Variants in SLC9A1 observed in about 807,000 individuals in gnomAD.
SLC9A1 encodes solute carrier family 9 member A1, also known as sodium/hydrogen exchanger 1.
In SLC9A1, 22 loss-of-function variants were observed where a neutral mutation model predicts 67.9. The ratio of observed to expected loss-of-function variants is 0.32; its 90% CI spans 0.23 to 0.46. The LOEUF (loss-of-function observed/expected upper bound fraction) is 0.46. SLC9A1 is among the 20% of genes least tolerant of loss of function. SLC9A1 has a pLI of 1.00. For missense variants in SLC9A1, 686 were observed against 1,094.8 expected (o/e 0.63, Z 5.27); for synonymous variants, 421 against 471.8 (o/e 0.89, Z 1.40).
chr1:27,117,965 A>C (rs1015223658), intron 1 of SLC9A1, among the ~76,000 whole-genome samples: 2 of 152,132 alleles, frequency 1.3e-5, no homozygotes, highest in Non-Finnish European at 2.9e-5. Context: ...CAGCCCTTGG[A>C]GCTTCTATGA....
intron 4 of SLC9A1, among the ~76,000 whole-genome samples, chr1:27,107,393 C>T (rs1176109985): frequency 1.3e-5 from 2 of 149,384 alleles, no homozygotes; most frequent in Admixed American, 6.7e-5. Flanking sequence ...CCTCCACACA[C>T]TACACACACA....
chr1:27,120,048 G>T (rs1404888488), intron 1 of SLC9A1, among the ~76,000 whole-genome samples: 1 of 152,002 alleles, frequency 6.6e-6, no homozygotes, highest in Non-Finnish European at 1.5e-5. Flanking sequence ...CTCCAGCCTG[G>T]TGACAGAGCA....
rs117896555 is a variant in SLC9A1 at position 27,137,470 on chromosome 1, C to T, written c.352+16513G>A. 2.6e-3 allele frequency among the ~76,000 whole-genome samples: 403 copies of T among 152,320 alleles called. 16 individuals are homozygous for T. The East Asian group carries it at 0.055, about 21-fold the overall frequency. ...ACTGCTAGGTGCTCGCCTCAGCATT[C>T]TCATTTAACCTCCACACCTTTGCAC... On this transcript the variant is annotated intron_variant, in intron 1 of 11. Coordinates refer to ENST00000263980, the MANE Select transcript of SLC9A1 (RefSeq NM_003047.5). This position sits in a 1 kb window ranked among gnomAD's most constrained non-coding sequence, Gnocchi z 4.6.
intron 1 of SLC9A1, among the ~76,000 whole-genome samples, chr1:27,150,468 A>G (rs2083519134): frequency 6.6e-6 from 1 of 152,200 alleles, no homozygotes; most frequent in South Asian, 2.1e-4. Flanking sequence ...CTCTGGAATA[A>G]GTACTAGCCT....
At position 27,102,427 on chromosome 1, in the gene SLC9A1, C is replaced by A. The variant is rs2083153637; in HGVS notation, c.1778G>T (p.Gly593Val). 1.9e-6 allele frequency: 3 copies of A among 1,606,936 alleles called. No individual in the cohort carries two copies. Among genetic ancestry groups the A allele is most frequent in the Non-Finnish European group, 2.6e-6 (3 of 1,174,850 alleles). The change falls in exon 8 of 12, where the codon GGC (glycine) becomes GTC (valine). Residue 593 changes from glycine to valine, a missense_variant. Around this residue, in one of 7 missense-constraint regions of SLC9A1, gnomAD observed 168 missense variants for 375.4 expected, o/e 0.45. Transcript: ENST00000263980. ...KQAIELVESG[G>V]MGKIPSAVST... ...GACGGCAGAGGGGATCTTGCCCATG[C>A]CCCCGCTCTCCACCAGCTCGATGGC...
chr1:27,143,230 A>G (rs970537468), intron 1 of SLC9A1, among the ~76,000 whole-genome samples: 2 of 151,832 alleles, frequency 1.3e-5, no homozygotes, highest in African/African-American at 4.8e-5. Context: ...TCTCACCTAC[A>G]CCAGAATCCC....
chr1:27,142,041 C>T (rs1004584123), intron 1 of SLC9A1, among the ~76,000 whole-genome samples: 1 of 152,124 alleles, frequency 6.6e-6, no homozygotes, highest in Non-Finnish European at 1.5e-5. Flanking sequence ...CCTGTAAGGA[C>T]CAGTGTAAGG....
chr1:27,103,154 G>A, intron 6 of SLC9A1, 69 bp downstream of exon 6: 11 of 1,168,772 alleles, frequency 9.4e-6, no homozygotes, highest in Non-Finnish European at 1.4e-5. Flanking sequence ...GCAGAGACTT[G>A]AGGCCCAGCT....
intron 1 of SLC9A1, among the ~76,000 whole-genome samples, chr1:27,123,443 A>C (rs748007358): frequency 1.3e-5 from 2 of 152,076 alleles, no homozygotes; most frequent in Non-Finnish European, 2.9e-5. Context: ...GAGGCATCTC[A>C]TTTAATTCTC....
At chr1:27,119,758 C>T (rs748573314) in intron 1 of SLC9A1, among the ~76,000 whole-genome samples, 1 of 152,182 alleles carries the variant, frequency 6.6e-6, no homozygotes, top group East Asian at 1.9e-4. Context: ...GTGTTCTTGG[C>T]CACTCACTGT....
rs547194296 is a variant in SLC9A1 at position 27,118,140 on chromosome 1, G to C, written c.353-3854C>G. ...GCCAGCTCCAGAGTACCTGGGGCTG[G>C]AGCCATGTTCCTGGAGCTGGTTTCC... On this transcript the variant is annotated intron_variant, in intron 1 of 11. Transcript: ENST00000263980. The surrounding 1 kb of genome is among the most constrained non-coding windows in gnomAD (Gnocchi z 4.3). Among the ~76,000 whole-genome samples, 1 of 152,320 alleles carries C rather than the reference G, an allele frequency of 6.6e-6. No homozygotes were observed. Among genetic ancestry groups the C allele is most frequent in the Admixed American group, 6.5e-5 (1 of 15,304 alleles).
intron 1 of SLC9A1, among the ~76,000 whole-genome samples, chr1:27,124,014 C>T (rs573189523): frequency 1.3e-3 from 200 of 152,224 alleles, no homozygotes; most frequent in Admixed American, 2.9e-3. Context: ...GCCACCATCT[C>T]CCTCCTTTCC....
At chr1:27,102,631 T>C in intron 7 of SLC9A1, 42 bp downstream of exon 7, 1 of 1,611,756 alleles carries the variant, frequency 6.2e-7, no homozygotes, top group Non-Finnish European at 8.5e-7. Flanking sequence ...CAGGAGACCC[T>C]TGCCTGCCCC....
chr1:27,152,469 C>A lies in SLC9A1; in HGVS notation c.352+1514G>T, dbSNP rs1244148510. ...TCACTGTCACTTCAGCTTCTTACAGCAAATCAGACGACATTTCATGACTCA... is the reference window on the plus strand; with the variant it reads ...TCACTGTCACTTCAGCTTCTTACAGAAAATCAGACGACATTTCATGACTCA... On this transcript the variant is annotated intron_variant, in intron 1 of 11. Coordinates refer to ENST00000263980, the MANE Select transcript of SLC9A1 (RefSeq NM_003047.5). Among the ~76,000 whole-genome samples, 6 of 152,176 alleles carry A rather than the reference C, an allele frequency of 3.9e-5. No homozygotes were observed. In the East Asian group the frequency reaches 1.2e-3, roughly 29 times the overall value.
chr1:27,149,686 C>T (rs116357612), intron 1 of SLC9A1, among the ~76,000 whole-genome samples: 3 of 152,304 alleles, frequency 2.0e-5, no homozygotes, highest in Non-Finnish European at 2.9e-5. Flanking sequence ...TCAGCCTCTA[C>T]GTTGGTCTTA....
chr1:27,101,577 G>T lies in SLC9A1; in HGVS notation c.2037+148C>A, dbSNP rs1451941253. On this transcript the variant is annotated intron_variant, in intron 10 of 11. Coordinates refer to ENST00000263980, the MANE Select transcript of SLC9A1 (RefSeq NM_003047.5). The surrounding 1 kb of genome is among the most constrained non-coding windows in gnomAD (Gnocchi z 4.9). ...CAACCCCACGCCAATCCCTTGCTTAGAACTCATGGCTCTCCATGCCCTTAC... is the reference window on the plus strand; with the variant it reads ...CAACCCCACGCCAATCCCTTGCTTATAACTCATGGCTCTCCATGCCCTTAC... 15 of 667,250 alleles carry T rather than the reference G, an allele frequency of 2.2e-5. No homozygotes were observed. Among genetic ancestry groups the T allele is most frequent in the Admixed American group, 9.2e-5 (4 of 43,400 alleles). The allele number at this position is 667,250 out of a possible 1,614,324, so 41.3% of individuals were successfully genotyped here.
intron 1 of SLC9A1, among the ~76,000 whole-genome samples, chr1:27,151,426 T>C (rs2083526668): frequency 1.3e-5 from 2 of 152,142 alleles, no homozygotes; most frequent in Admixed American, 6.5e-5. Flanking sequence ...AATGGCGCAA[T>C]CTTGGCTCAC....
rs137936112 is a variant in SLC9A1, at chr1:27,101,757, G to A, written c.2005C>T (p.Arg669Trp). Residue 669 changes from arginine to tryptophan, a missense_variant, in exon 10 of 12, where the codon CGG (arginine) becomes TGG (tryptophan). Physicochemically the swap from Arg to Trp is moderately radical, Grantham distance 101. Around this residue, in one of 7 missense-constraint regions of SLC9A1, gnomAD observed 226 missense variants for 282.4 expected, o/e 0.80. Transcript: ENST00000263980. This position sits in a 1 kb window ranked among gnomAD's most constrained non-coding sequence, Gnocchi z 4.9. ...YEEAWNQMLL[R>W]RQKARQLEQK... Reference sequence around the variant, plus strand: ...TCCAGCTGCCGGGCCTTCTGCCTCCGGAGCAGCATCTGGTTCCAGGCTTCC... The same window carrying A: ...TCCAGCTGCCGGGCCTTCTGCCTCCAGAGCAGCATCTGGTTCCAGGCTTCC... 1.9e-6 allele frequency: 3 copies of A among 1,613,258 alleles called. No individual in the cohort carries two copies. The highest frequency in any genetic ancestry group is 2.2e-5 in the South Asian group (2 of 91,010).
chr1:27,131,497 C>A (rs1457876506), intron 1 of SLC9A1, among the ~76,000 whole-genome samples: 1 of 148,478 alleles, frequency 6.7e-6, no homozygotes, highest in African/African-American at 2.5e-5. Context: ...TGCCTGTAAT[C>A]CGAGTACTTT....
Sources: allele counts gnomAD v4.1 joint callset (sites outside exome capture counted in the v4.1 genomes callset), GRCh38; gene constraint gnomAD v4.1.1; regional missense constraint gnomAD v4.1.1; non-coding constraint Gnocchi (gnomAD v3.1); transcripts MANE v1.5; gene names NCBI Gene and HGNC (gene_info 2026-07-23, HGNC 2026-07-21).